The following CEP350 variants were observed in gnomAD, a reference collection of about 807,000 sequenced individuals.
The protein encoded by CEP350 is centrosomal protein 350.
Under a neutral mutation model 331.8 loss-of-function variants are expected in CEP350, and 126 were observed. That is an observed-to-expected ratio of 0.38 (90% CI 0.33 to 0.44). CEP350 has a LOEUF of 0.44. Among genes scored for constraint, CEP350 ranks in the 20% least tolerant of loss-of-function variants. CEP350 has a pLI of 1.00. For missense variants in CEP350, 3,406 were observed against 3,634.6 expected, an observed-to-expected ratio of 0.94 and a Z score of 1.62; for synonymous variants, 1,200 against 1,259.5, an observed-to-expected ratio of 0.95 and a Z score of 1.00.
At chr1:179,982,506 T>C (rs1013337755) in intron 1 of CEP350, among the ~76,000 whole-genome samples, 2 of 152,218 alleles carry the variant, frequency 1.3e-5, no homozygotes, top group Non-Finnish European at 2.9e-5. Flanking sequence ...TTGAAGCAGA[T>C]AAATTTTCTC....
At chr1:180,052,000 G>A (rs1362256048) in intron 22 of CEP350, among the ~76,000 whole-genome samples, 1 of 152,216 alleles carries the variant, frequency 6.6e-6, no homozygotes, top group South Asian at 2.1e-4. Context: ...CTCTGGTACT[G>A]GATCATAGAC....
Position 180,043,205 on chromosome 1 carries a change from T to G in CEP350, c.4499+13T>G. The stretch of plus-strand genomic sequence containing the variant: ...CTGAAACAGATAGGTTAATATTCAT[T>G]CAGTCAGCAAATATATAATGACTGT... On this transcript the variant is annotated intron_variant, in intron 20 of 37. Transcript: ENST00000367607. 1 of 1,600,812 alleles carries G rather than the reference T, an allele frequency of 6.2e-7. No homozygotes were observed. Among genetic ancestry groups the G allele is most frequent in the Non-Finnish European group, 8.5e-7 (1 of 1,174,134 alleles).
chr1:180,065,754 TC>T (rs948918697), intron 27 of CEP350, among the ~76,000 whole-genome samples: 4 of 149,758 alleles, frequency 2.7e-5, no homozygotes, highest in South Asian at 2.1e-4. Context: ...CTAGACCCTG[TC>T]CCCCCCCAAA....
Position 180,113,711 on chromosome 1 carries a change from G to A in CEP350, c.*2550G>A, listed in dbSNP as rs1215570925. ...TCCATATTGGTATCTTTTTAAATCA[G>A]CTCTGCCTCTTAATCAAGAACCTAA... On this transcript the variant is annotated 3_prime_UTR_variant, in exon 38 of 38. Transcript: ENST00000367607. 2 of 152,190 alleles carry A rather than the reference G, an allele frequency of 1.3e-5. No homozygotes were observed. Among genetic ancestry groups the A allele is most frequent in the African/African-American group, 4.8e-5 (2 of 41,442 alleles). 9.4% of individuals were successfully genotyped at this position (152,190 alleles called of 1,614,324 possible). A position where few individuals can be genotyped will look rare whatever the true frequency, so the allele number is the denominator to read the frequency against.
At chr1:180,027,389 T>G (rs1440777817) in intron 14 of CEP350, among the ~76,000 whole-genome samples, 3 of 152,192 alleles carry the variant, frequency 2.0e-5, no homozygotes, top group African/African-American at 7.2e-5. Context: ...TTTTTTGTTT[T>G]GTTTTTTGAG....
chr1:180,032,212 GT>G (rs1025438847), intron 15 of CEP350, among the ~76,000 whole-genome samples: 6 of 152,008 alleles, frequency 3.9e-5, no homozygotes, highest in Admixed American at 2.6e-4. Context: ...GTGTGCACTG[GT>G]TTTGTCTTGG....
intron 27 of CEP350, among the ~76,000 whole-genome samples, chr1:180,071,587 G>GCCAACATGGTGAAAC (rs1491544192): frequency 6.6e-6 from 1 of 151,980 alleles, no homozygotes; most frequent in Non-Finnish European, 1.5e-5. Context: ...GACCAGCCTG[G>GCCAACATGGTGAAAC]CCAACATGGT....
chr1:180,093,491 T>G lies in CEP350; in HGVS notation c.7386T>G (p.Thr2462=), dbSNP rs1483817587. The change falls in exon 34 of 38, where the codon ACT becomes ACG. Residue 2462 remains threonine (T), a synonymous_variant. Transcript: ENST00000367607. ...SDRLLELKSP[T]ELMKSKERSD... ...GGCTGTTGGAACTCAAGTCCCCTACTGAGCTGATGAAAAGTAAGGAGCGCA... is the reference window on the plus strand; with the variant it reads ...GGCTGTTGGAACTCAAGTCCCCTACGGAGCTGATGAAAAGTAAGGAGCGCA... The G allele has an allele frequency of 9.9e-6, 16 of 1,611,484 alleles. No individual in the cohort carries two copies. The East Asian group carries it at 3.6e-4, about 36-fold the overall frequency.
chr1:179,957,724 A>G (rs993149899), intron 1 of CEP350, among the ~76,000 whole-genome samples: 3 of 152,214 alleles, frequency 2.0e-5, no homozygotes, highest in African/African-American at 7.2e-5. Context: ...TAGCAAGGGA[A>G]TGACAGCCTG....
In CEP350 at chr1:180,053,753, C is replaced by T; in HGVS notation, c.4993C>T (p.Leu1665=). Residue 1665 remains leucine, a synonymous_variant, in exon 24 of 38, where the codon CTG becomes TTG. Transcript: ENST00000367607. ...EKTTLSTAKE[L]NMPFSGGQDS... is the part of the protein sequence containing the mutation. Reference sequence around the variant, plus strand: ...AGAAAGAAACCATCTACTTTAGGAACTGAACATGCCATTCTCAGGAGGACA... The same window carrying T: ...AGAAAGAAACCATCTACTTTAGGAATTGAACATGCCATTCTCAGGAGGACA... 1 of 1,552,170 alleles carries T rather than the reference C, an allele frequency of 6.4e-7. No homozygotes were observed. The highest frequency in any genetic ancestry group is 8.8e-7 in the Non-Finnish European group (1 of 1,140,522).
intron 16 of CEP350, among the ~76,000 whole-genome samples, chr1:180,036,712 C>T (rs543674986): frequency 6.6e-6 from 1 of 152,058 alleles, no homozygotes; most frequent in Non-Finnish European, 1.5e-5. Context: ...ACTGGTAAAC[C>T]AAAAAATTTG....
At chr1:179,981,205 T>G (rs1652251297) in intron 1 of CEP350, among the ~76,000 whole-genome samples, 1 of 152,170 alleles carries the variant, frequency 6.6e-6, no homozygotes, top group South Asian at 2.1e-4. Flanking sequence ...TCCAGTGAAT[T>G]TTTGTCCATC....
intron 37 of CEP350, among the ~76,000 whole-genome samples, chr1:180,106,754 T>C (rs969598057): frequency 5.3e-5 from 8 of 151,990 alleles, no homozygotes; most frequent in Non-Finnish European, 1.2e-4. Flanking sequence ...TAATTAGTAG[T>C]CATTCAACCT....
chr1:180,011,979 G>A lies in CEP350; in HGVS notation c.1297G>A (p.Val433Ile). 1 of 1,599,224 alleles carries A rather than the reference G, an allele frequency of 6.3e-7. No individual in the cohort carries two copies. Among genetic ancestry groups the A allele is most frequent in the Non-Finnish European group, 8.5e-7 (1 of 1,171,892 alleles). The change falls in exon 9 of 38, where the codon GTA (valine) becomes ATA (isoleucine). Residue 433 changes from valine to isoleucine, a missense_variant. Val to Ile is a conservative substitution (Grantham distance 29, BLOSUM62 3). This residue lies in a region of CEP350 where 1,857 missense variants were observed against 1,909.2 expected (regional missense o/e 0.97). Coordinates refer to ENST00000367607, the MANE Select transcript of CEP350 (RefSeq NM_014810.5). ...TTCTTGGCGAGATGGACAAAAATTA[G>A]TAAAGAAGATTCTGGGACCTGCTCC... ...TSSWRDGQKL[V>I]KKILGPAPRM...
At position 180,061,353 on chromosome 1, in the gene CEP350, C is replaced by T. The variant is rs188926179; in HGVS notation, c.5263-867C>T. On this transcript the variant is annotated intron_variant, in intron 25 of 37. Transcript: ENST00000367607. ...CTGGGACCACAGGTGAGTGCCACCA[C>T]GCCTGGCTAATTTTTGTGTCTTTTG... 3.2e-4 allele frequency among the ~76,000 whole-genome samples: 48 copies of T among 152,086 alleles called. No homozygotes were observed. In the East Asian group the frequency reaches 3.9e-3, roughly 12 times the overall value.
chr1:180,027,420 C>A (rs1268162264), intron 14 of CEP350, among the ~76,000 whole-genome samples: 1 of 152,024 alleles, frequency 6.6e-6, no homozygotes, highest in Non-Finnish European at 1.5e-5. Flanking sequence ...ACTCTATCAC[C>A]CAGGCTGGAG....
chr1:180,033,963 A>G lies in CEP350; in HGVS notation c.3827A>G (p.Glu1276Gly). Residue 1276 changes from glutamate (E) to glycine (G), a missense_variant, in exon 16 of 38, where the codon GAA becomes GGA. Around this residue, in one of 5 missense-constraint regions of CEP350, gnomAD observed 1,857 missense variants for 1,909.2 expected, o/e 0.97. Coordinates refer to ENST00000367607, the MANE Select transcript of CEP350 (RefSeq NM_014810.5). ...LQFDVAGTSS[E>G]RSKSSVMPPT... ...TTTGACGTTGCAGGAACTTCTTCAG[A>G]AAGATCTAAGTCGTCAGTAATGCCT... The G allele has an allele frequency of 6.2e-7, 1 of 1,613,908 alleles. No homozygotes were observed. The highest frequency in any genetic ancestry group is 1.3e-5 in the African/African-American group (1 of 75,028).
At position 180,078,763 on chromosome 1, in the gene CEP350, G is replaced by C. The variant is rs1659388306; in HGVS notation, c.5979+89G>C. The C allele has an allele frequency of 2.8e-6, 3 of 1,061,512 alleles. No individual in the cohort carries two copies. In the Admixed American group the frequency reaches 7.7e-5, roughly 27 times the overall value. The allele number at this position is 1,061,512 out of a possible 1,614,324, so 65.8% of individuals were successfully genotyped here. On this transcript the variant is annotated intron_variant, in intron 29 of 37. Coordinates refer to ENST00000367607, the MANE Select transcript of CEP350 (RefSeq NM_014810.5). ...AGTTATATTATTGTAATTAATGACA[G>C]TGTTAACTGTCACCATACTTGTAAC...
intron 21 of CEP350, among the ~76,000 whole-genome samples, chr1:180,048,234 A>C (rs1410723607): frequency 2.6e-5 from 4 of 152,218 alleles, no homozygotes; most frequent in Admixed American, 6.5e-5. Flanking sequence ...AACAGTGAGT[A>C]GTAGCTCCCT....
Sources: allele counts gnomAD v4.1 joint callset (sites outside exome capture counted in the v4.1 genomes callset), GRCh38; gene constraint gnomAD v4.1.1; regional missense constraint gnomAD v4.1.1; transcripts MANE v1.5; gene names NCBI Gene and HGNC (gene_info 2026-07-23, HGNC 2026-07-21).